Variants in RPGRIP1 observed in about 807,000 individuals in gnomAD.
RPGRIP1 encodes the protein X-linked retinitis pigmentosa GTPase regulator-interacting protein 1.
Under a neutral mutation model 157.9 loss-of-function variants are expected in RPGRIP1, and 128 were observed. That is an observed-to-expected ratio of 0.81 (90% CI 0.70 to 0.94). RPGRIP1 has a LOEUF of 0.94. Among genes scored for constraint, RPGRIP1 ranks in the 40% least tolerant of loss-of-function variants. The pLI, the probability that RPGRIP1 is intolerant of heterozygous loss-of-function variation, is 0.00. For synonymous variants in RPGRIP1, 554 were observed against 571.6 expected (o/e 0.97, Z 0.44); for missense variants, 1,486 against 1,545.8 (o/e 0.96, Z 0.65).
At chr14:21,293,494 G>A (rs892187230) in intron 2 of RPGRIP1, among the ~76,000 whole-genome samples, 1 of 152,182 alleles carries the variant, frequency 6.6e-6, no homozygotes, top group Admixed American at 6.5e-5. Flanking sequence ...TGTAATCCCA[G>A]CACTTTGGGA....
At chr14:21,306,423 G>A (rs1881308643) in intron 6 of RPGRIP1, among the ~76,000 whole-genome samples, 2 of 151,312 alleles carry the variant, frequency 1.3e-5, no homozygotes, top group Admixed American at 6.6e-5. Context: ...GTGAGCCCCT[G>A]CGCCCAGCCT....
At chr14:21,287,812 G>A (rs1880352772) in intron 1 of RPGRIP1, 127 bp from the exon 2 acceptor site, 2 of 526,628 alleles carry the variant, frequency 3.8e-6, no homozygotes, top group African/African-American at 1.9e-5. Context: ...ACACTACCAT[G>A]AGAATGACTC....
At chr14:21,314,054 C>T (rs537370710) in intron 10 of RPGRIP1, among the ~76,000 whole-genome samples, 116 of 151,230 alleles carry the variant, frequency 7.7e-4, no homozygotes, top group African/African-American at 2.6e-3. Flanking sequence ...CTCAAGCAAT[C>T]TTCCCACCTC....
chr14:21,288,142 G>T, intron 2 of RPGRIP1, 81 bp downstream of exon 2: 1 of 878,126 alleles, frequency 1.1e-6, no homozygotes, highest in East Asian at 2.5e-5. Context: ...CCTTCACAGA[G>T]ACTGATTTAC....
chr14:21,291,350 C>T (rs561377966), intron 2 of RPGRIP1, among the ~76,000 whole-genome samples: 3 of 152,024 alleles, frequency 2.0e-5, no homozygotes, highest in Non-Finnish European at 2.9e-5. Context: ...GATAGGAAAC[C>T]GTTGTTCAGG....
chr14:21,286,477 G>A (rs1303551168), intron 1 of RPGRIP1, among the ~76,000 whole-genome samples: 8 of 149,576 alleles, frequency 5.3e-5, no homozygotes, highest in African/African-American at 2.0e-4. Flanking sequence ...ATATCTAGTA[G>A]CCATGCCAAG....
intron 14 of RPGRIP1, among the ~76,000 whole-genome samples, chr14:21,322,750 G>T (rs1004385051): frequency 6.6e-6 from 1 of 152,044 alleles, no homozygotes; most frequent in Non-Finnish European, 1.5e-5. Context: ...TGTTATTCTT[G>T]TCAGTGATTT....
Position 21,327,818 on chromosome 14 carries a change from A to G in RPGRIP1, c.2895+11A>G, listed in dbSNP as rs1717119488. ...TCATTTCCTTCCCAGGTAACTCTCCAGGACTCCACAGGTAGCAGATCTCTG... is the reference window on the plus strand; with the variant it reads ...TCATTTCCTTCCCAGGTAACTCTCCGGGACTCCACAGGTAGCAGATCTCTG... On this transcript the variant is annotated intron_variant, in intron 18 of 24. Transcript: ENST00000400017. The G allele has an allele frequency of 1.9e-6, 3 of 1,561,622 alleles. No homozygotes were observed. The South Asian group carries it at 3.6e-5, about 19-fold the overall frequency.
chr14:21,291,948 C>T (rs1880548082), intron 2 of RPGRIP1, among the ~76,000 whole-genome samples: 2 of 151,952 alleles, frequency 1.3e-5, no homozygotes, highest in African/African-American at 2.4e-5. Context: ...TTAGTAGAGA[C>T]GGGGTTTCAC....
At chr14:21,281,540 T>C (rs1417020689) in intron 1 of RPGRIP1, among the ~76,000 whole-genome samples, 1 of 151,368 alleles carries the variant, frequency 6.6e-6, no homozygotes. Context: ...AATAGAAAAA[T>C]TAGCTGGGCG....
intron 14 of RPGRIP1, among the ~76,000 whole-genome samples, chr14:21,322,216 G>A (rs1882575114): frequency 6.6e-6 from 1 of 152,056 alleles, no homozygotes; most frequent in Non-Finnish European, 1.5e-5. Context: ...GGAGTGCAGT[G>A]GTGCGATCTT....
At chr14:21,345,070 A>G in intron 22 of RPGRIP1, 43 bp from the exon 23 acceptor site, 1 of 1,289,160 alleles carries the variant, frequency 7.8e-7, no homozygotes, top group Non-Finnish European at 1.1e-6. Flanking sequence ...TCACACTGCA[A>G]CAGTATATGA....
chr14:21,333,281 G>GA (rs1883979674), intron 20 of RPGRIP1, among the ~76,000 whole-genome samples: 2 of 152,178 alleles, frequency 1.3e-5, no homozygotes, highest in African/African-American at 4.8e-5. Context: ...ATCAAGAAAT[G>GA]AAAAGGGCCT....
chr14:21,282,555 A>G (rs1190295001), intron 1 of RPGRIP1, among the ~76,000 whole-genome samples: 1 of 145,376 alleles, frequency 6.9e-6, no homozygotes, highest in Non-Finnish European at 1.5e-5. Context: ...TCAGTCTTTC[A>G]TCCTGTTGAG....
intron 6 of RPGRIP1, among the ~76,000 whole-genome samples, chr14:21,306,154 CAG>C (rs1193691251): frequency 4.1e-5 from 3 of 73,326 alleles, no homozygotes; most frequent in African/African-American, 1.6e-4. Flanking sequence ...TTTTTTGAGA[CAG>C]AGTCTCACTT....
At chr14:21,313,863 G>A (rs1881647881) in intron 10 of RPGRIP1, among the ~76,000 whole-genome samples, 1 of 151,036 alleles carries the variant, frequency 6.6e-6, no homozygotes, top group Admixed American at 6.6e-5. Flanking sequence ...CATGGTTTAT[G>A]TTATGTATCT....
At chr14:21,330,440 G>A (rs1883625291) in intron 20 of RPGRIP1, 53 bp downstream of exon 20, 1 of 1,284,318 alleles carries the variant, frequency 7.8e-7, no homozygotes, top group Non-Finnish European at 1.0e-6. Flanking sequence ...AGGCCGAGGT[G>A]GGCAGATCAC....
rs1192659031 is a variant in RPGRIP1 at position 21,302,472 on chromosome 14, C to T, written c.491-16C>T. On this transcript the variant is annotated splice_polypyrimidine_tract_variant and intron_variant, in intron 4 of 24. Transcript: ENST00000400017. ...GTACTGTTGCCCGAGTCTGCATCTT[C>T]TGTCTAAACTTTTAGGGCCAAGGGA... 6.8e-7 allele frequency: 1 copy of T among 1,474,358 alleles called. No homozygotes were observed. The highest frequency in any genetic ancestry group is 1.4e-5 in the African/African-American group (1 of 72,670). 91.3% of individuals were successfully genotyped at this position (1,474,358 alleles called of 1,614,324 possible).
intron 11 of RPGRIP1, 73 bp from the exon 12 acceptor site, chr14:21,319,944 C>T (rs551555945): frequency 1.5e-6 from 2 of 1,375,804 alleles, no homozygotes; most frequent in South Asian, 1.3e-5. Flanking sequence ...AGATTAAATT[C>T]ACACTTGATC....
Sources: allele counts gnomAD v4.1 joint callset (sites outside exome capture counted in the v4.1 genomes callset), GRCh38; gene constraint gnomAD v4.1.1; transcripts MANE v1.5; gene names NCBI Gene and HGNC (gene_info 2026-07-23, HGNC 2026-07-21).